The following LHCGR variants were observed in gnomAD, a reference collection of about 807,000 sequenced individuals.
LHCGR encodes the protein luteinizing hormone/choriogonadotropin receptor.
In LHCGR, 55 loss-of-function variants were observed where a neutral mutation model predicts 60.7. The ratio of observed to expected loss-of-function variants is 0.91; its 90% CI spans 0.73 to 1.13. The LOEUF (loss-of-function observed/expected upper bound fraction) is 1.13. LHCGR is among the 50% of genes most tolerant of loss of function. The probability of loss-of-function intolerance (pLI) is 0.00; values close to 1 mark genes in which losing one functional copy is unlikely to be tolerated. For missense variants in LHCGR, 862 were observed against 836.0 expected, an observed-to-expected ratio of 1.03 and a Z score of -0.38; for synonymous variants, 337 against 316.5, an observed-to-expected ratio of 1.06 and a Z score of -0.69.
chr2:48,714,245 A>T (rs1355058237), intron 6 of LHCGR, among the ~76,000 whole-genome samples, 191 bp from the exon 7 acceptor site: 1 of 152,198 alleles, frequency 6.6e-6, no homozygotes, highest in Non-Finnish European at 1.5e-5. Flanking sequence ...CAGCCACTCT[A>T]TGTTTATTTT....
chr2:48,707,629 G>A (rs775728043), intron 8 of LHCGR, among the ~76,000 whole-genome samples: 11 of 152,254 alleles, frequency 7.2e-5, no homozygotes, highest in Non-Finnish European at 1.3e-4. Flanking sequence ...CAGCCTTGCT[G>A]AGCTGTATTG....
chr2:48,740,098 C>T lies in LHCGR; in HGVS notation c.162-8800G>A, dbSNP rs58384905. Among the ~76,000 whole-genome samples, 869 of 152,296 alleles carry T rather than the reference C, an allele frequency of 5.7e-3. 11 individuals carry two copies. The highest frequency in any genetic ancestry group is 0.02 in the African/African-American group (811 of 41,572). ...GGGTGACAGATGGCACCTGGAAAAT[C>T]GGGTCACTCCCACCCGAATACTGCT... On this transcript the variant is annotated intron_variant, in intron 1 of 10. Transcript: ENST00000294954.
chr2:48,705,207 AG>A (rs1287438325), intron 8 of LHCGR, among the ~76,000 whole-genome samples: 1 of 152,190 alleles, frequency 6.6e-6, no homozygotes, highest in Non-Finnish European at 1.5e-5. Context: ...GTTTTGAGTG[AG>A]TTTCTTAATC....
chr2:48,732,507 C>T (rs1210455129), intron 1 of LHCGR, among the ~76,000 whole-genome samples: 1 of 152,106 alleles, frequency 6.6e-6, no homozygotes, highest in African/African-American at 2.4e-5. Context: ...TTTACTCACT[C>T]AACAATGGTG....
At chr2:48,740,861 GAGA>G (rs1424744954) in intron 1 of LHCGR, among the ~76,000 whole-genome samples, 1 of 152,254 alleles carries the variant, frequency 6.6e-6, no homozygotes, top group Non-Finnish European at 1.5e-5. Context: ...GACGAGCTGA[GAGA>G]AGAAGGCTTC....
chr2:48,711,469 C>G (rs1033915665), intron 7 of LHCGR, among the ~76,000 whole-genome samples: 11 of 152,172 alleles, frequency 7.2e-5, no homozygotes, highest in East Asian at 3.9e-4. Context: ...GGCAAACTGA[C>G]TCATGTTCTT....
chr2:48,696,581 T>A lies in LHCGR; in HGVS notation c.866+2034A>T, dbSNP rs368900224. Among the ~76,000 whole-genome samples the A allele has an allele frequency of 1.5e-4, 23 of 152,194 alleles. No individual in the cohort carries two copies. The South Asian group carries it at 4.8e-3, about 32-fold the overall frequency. ...CACAGAATGATCACCTACGTACCCA[T>A]TAGTCAGGTCAATAAATGAAAATAA... is the stretch of plus-strand genomic sequence containing the variant. On this transcript the variant is annotated intron_variant, in intron 9 of 10. Transcript: ENST00000294954.
At chr2:48,695,421 T>C (rs1224818316) in intron 9 of LHCGR, among the ~76,000 whole-genome samples, 1 of 152,174 alleles carries the variant, frequency 6.6e-6, no homozygotes, top group Non-Finnish European at 1.5e-5. Context: ...ACTTTTACAG[T>C]CTGAGAAAAG....
intron 8 of LHCGR, among the ~76,000 whole-genome samples, chr2:48,706,108 G>T (rs186013909): frequency 7.7e-4 from 117 of 152,244 alleles, no homozygotes; most frequent in African/African-American, 2.7e-3. Context: ...AAATCTCTCA[G>T]CATTTGCTTG....
intron 1 of LHCGR, among the ~76,000 whole-genome samples, chr2:48,752,911 G>T (rs776885783): frequency 7.6e-6 from 1 of 131,510 alleles, no homozygotes. Flanking sequence ...CTTATTTTCC[G>T]TCTGCCTCTG....
intron 6 of LHCGR, among the ~76,000 whole-genome samples, chr2:48,717,663 T>C (rs1668313756): frequency 6.6e-6 from 1 of 151,962 alleles, no homozygotes; most frequent in Non-Finnish European, 1.5e-5. Flanking sequence ...TTTTGTTTAA[T>C]TGCACTATCA....
intron 8 of LHCGR, among the ~76,000 whole-genome samples, chr2:48,701,656 T>G (rs1667417245): frequency 6.6e-6 from 1 of 152,066 alleles, no homozygotes; most frequent in African/African-American, 2.4e-5. Context: ...CTACAACCAA[T>G]AGCATTTGGA....
chr2:48,750,623 T>C (rs1669916941), intron 1 of LHCGR, among the ~76,000 whole-genome samples: 1 of 152,250 alleles, frequency 6.6e-6, no homozygotes, highest in African/African-American at 2.4e-5. Flanking sequence ...CTAGCTGATG[T>C]AGACATGCTT....
chr2:48,726,318 C>T (rs895818736), intron 3 of LHCGR, among the ~76,000 whole-genome samples: 1 of 152,172 alleles, frequency 6.6e-6, no homozygotes, highest in Non-Finnish European at 1.5e-5. Context: ...TGTCCAGCCT[C>T]CTAACTTCCC....
At chr2:48,746,097 C>T (rs1034629076) in intron 1 of LHCGR, among the ~76,000 whole-genome samples, 5 of 152,070 alleles carry the variant, frequency 3.3e-5, no homozygotes, top group Non-Finnish European at 7.3e-5. Flanking sequence ...GCATGCAGTA[C>T]AATATGAAGA....
chr2:48,712,073 G>A (rs1276806915), intron 7 of LHCGR, among the ~76,000 whole-genome samples: 1 of 151,746 alleles, frequency 6.6e-6, no homozygotes, highest in Non-Finnish European at 1.5e-5. Flanking sequence ...GCTGTCCTCT[G>A]CTTGGAAGGC....
intron 1 of LHCGR, among the ~76,000 whole-genome samples, chr2:48,746,035 T>C (rs1287677721): frequency 6.6e-6 from 1 of 152,140 alleles, no homozygotes; most frequent in African/African-American, 2.4e-5. Flanking sequence ...TCATTTCACA[T>C]CTATAAAGTG....
intron 1 of LHCGR, among the ~76,000 whole-genome samples, chr2:48,749,995 A>C (rs1669888338): frequency 6.6e-6 from 1 of 152,208 alleles, no homozygotes; most frequent in South Asian, 2.1e-4. Context: ...AGTTGCCTTG[A>C]GGCATGGCTG....
chr2:48,725,549 G>T, intron 4 of LHCGR, 127 bp downstream of exon 4: 1 of 741,006 alleles, frequency 1.3e-6, no homozygotes, highest in Non-Finnish European at 2.4e-6. Context: ...TCAGAAGGCT[G>T]AAGAGGAACA....
Sources: allele counts gnomAD v4.1 joint callset (sites outside exome capture counted in the v4.1 genomes callset), GRCh38; gene constraint gnomAD v4.1.1; transcripts MANE v1.5; gene names NCBI Gene and HGNC (gene_info 2026-07-23, HGNC 2026-07-21).